Variants in NDUFS6 observed in about 807,000 individuals in gnomAD.
NDUFS6 encodes the protein NADH:ubiquinone oxidoreductase subunit S6.
Under a neutral mutation model 13.2 loss-of-function variants are expected in NDUFS6, and 14 were observed. That is an observed-to-expected ratio of 1.06 (90% confidence interval 0.70 to 1.66). The LOEUF (loss-of-function observed/expected upper bound fraction) is 1.66. Among genes scored for constraint, NDUFS6 ranks in the 40% most tolerant of loss-of-function variants. The pLI is 0.00. For synonymous variants in NDUFS6, 95 were observed against 72.3 expected (o/e 1.31, Z -1.60); for missense variants, 206 against 170.8 (o/e 1.21, Z -1.15).
intron 2 of NDUFS6, among the ~76,000 whole-genome samples, chr5:1,808,460 G>A (rs1278299428): frequency 6.6e-6 from 1 of 152,228 alleles, no homozygotes; most frequent in African/African-American, 2.4e-5. Flanking sequence ...GTTATAAAGT[G>A]AGGTTTATTT....
chr5:1,807,164 C>CAGAGGTACTGCGTGAGGT, intron 2 of NDUFS6, among the ~76,000 whole-genome samples: 1 of 152,226 alleles, frequency 6.6e-6, no homozygotes, highest in South Asian at 2.1e-4. Context: ...GTGAGGTACT[C>CAGAGGTACTGCGTGAGGT]AGAGGTACTG....
At position 1,816,015 on chromosome 5, in the gene NDUFS6, G is replaced by A. The variant is rs994577006; in HGVS notation, c.*99G>A. On this transcript the variant is annotated 3_prime_UTR_variant, in exon 4 of 4. Coordinates refer to ENST00000274137, the MANE Select transcript of NDUFS6 (RefSeq NM_004553.6). Reference sequence around the variant, plus strand: ...CTGGTTCTGTGCGAAGGGTATTCCTGGTGCTGAATAAAGGGTGTTGCTGTC... The same window carrying A: ...CTGGTTCTGTGCGAAGGGTATTCCTAGTGCTGAATAAAGGGTGTTGCTGTC... 7.7e-7 allele frequency: 1 copy of A among 1,299,142 alleles called. No individual in the cohort carries two copies. The highest frequency in any genetic ancestry group is 1.7e-5 in the Admixed American group (1 of 59,584). 80.5% of individuals were successfully genotyped at this position (1,299,142 alleles called of 1,614,324 possible).
At chr5:1,809,011 A>G (rs909756981) in intron 2 of NDUFS6, among the ~76,000 whole-genome samples, 7 of 152,148 alleles carry the variant, frequency 4.6e-5, no homozygotes, top group Non-Finnish European at 1.0e-4. Context: ...GTTGGTTTTG[A>G]TGCTGTGTCA....
chr5:1,812,422 T>C (rs1164812348), intron 2 of NDUFS6, among the ~76,000 whole-genome samples: 2 of 150,492 alleles, frequency 1.3e-5, no homozygotes, highest in South Asian at 2.1e-4. Context: ...GTTTATGAAA[T>C]CATGAGTGTA....
At chr5:1,804,415 C>T (rs867361731) in intron 2 of NDUFS6, among the ~76,000 whole-genome samples, 2 of 152,362 alleles carry the variant, frequency 1.3e-5, no homozygotes, top group African/African-American at 4.8e-5. Flanking sequence ...GGGGTGGGTA[C>T]GGGATAGTGT....
rs544812642 is a variant in NDUFS6, at chr5:1,804,146, TG to T, written c.186+1777del. Among the ~76,000 whole-genome samples, 443 of 152,300 alleles carry T rather than the reference TG, an allele frequency of 2.9e-3. 1 individual carries two copies. The highest frequency in any genetic ancestry group is 0.01 in the African/African-American group (419 of 41,568). The stretch of plus-strand genomic sequence containing the variant: ...CTTTGTGGGTGTTATGGCACGGTCG[TG>T]GGGGCAAGGTAGGAGCCCCAGATTG... On this transcript the variant is annotated intron_variant, in intron 2 of 3. Transcript: ENST00000274137.
chr5:1,802,107 G>C, intron 1 of NDUFS6: 1 of 571,988 alleles, frequency 1.7e-6, no homozygotes, highest in Non-Finnish European at 3.1e-6. Context: ...CTATGTCTCT[G>C]TGCTGCTCTC....
chr5:1,808,700 A>C (rs1734165356), intron 2 of NDUFS6, among the ~76,000 whole-genome samples: 1 of 152,238 alleles, frequency 6.6e-6, no homozygotes, highest in African/African-American at 2.4e-5. Context: ...GCAAGTTTGA[A>C]CATGTTGTAC....
intron 3 of NDUFS6, among the ~76,000 whole-genome samples, chr5:1,815,069 G>C (rs72704476): frequency 0.095 from 14,508 of 152,174 alleles, 913 homozygotes; most frequent in Non-Finnish European, 0.14. Context: ...TAGGACTTTG[G>C]GGGGCACACG....
At chr5:1,812,530 T>C (rs1428192157) in intron 2 of NDUFS6, among the ~76,000 whole-genome samples, 2 of 141,008 alleles carry the variant, frequency 1.4e-5, no homozygotes, top group Non-Finnish European at 3.1e-5. Flanking sequence ...CCGGGTTGAC[T>C]CCTCTTTTAA....
chr5:1,810,081 G>A (rs1476576400), intron 2 of NDUFS6, among the ~76,000 whole-genome samples: 1 of 151,930 alleles, frequency 6.6e-6, no homozygotes, highest in Non-Finnish European at 1.5e-5. Flanking sequence ...CTCCCACTGC[G>A]TGTGTGTTCT....
rs1313628024 is a variant in NDUFS6, at chr5:1,816,013, C to T, written c.*97C>T. The stretch of plus-strand genomic sequence containing the variant: ...CGCTGGTTCTGTGCGAAGGGTATTC[C>T]TGGTGCTGAATAAAGGGTGTTGCTG... On this transcript the variant is annotated 3_prime_UTR_variant, in exon 4 of 4. Coordinates refer to ENST00000274137, the MANE Select transcript of NDUFS6 (RefSeq NM_004553.6). The T allele has an allele frequency of 1.5e-6, 2 of 1,314,320 alleles. No homozygotes were observed. Among genetic ancestry groups the T allele is most frequent in the African/African-American group, 2.9e-5 (2 of 68,930 alleles). The allele number at this position is 1,314,320 out of a possible 1,614,324, so 81.4% of individuals were successfully genotyped here.
intron 2 of NDUFS6, among the ~76,000 whole-genome samples, chr5:1,809,902 G>A (rs1189288909): frequency 1.3e-5 from 2 of 152,256 alleles, no homozygotes; most frequent in African/African-American, 2.4e-5. Context: ...GGCGCCACAC[G>A]GCTCAGGCCT....
At position 1,814,668 on chromosome 5, in the gene NDUFS6, G is replaced by C. The variant is rs1734279631; in HGVS notation, c.309+207G>C. The C allele has an allele frequency of 1.2e-6, 1 of 800,044 alleles. No individual in the cohort carries two copies. Among genetic ancestry groups the C allele is most frequent in the South Asian group, 1.4e-5 (1 of 69,474 alleles). The allele number at this position is 800,044 out of a possible 1,614,324, so 49.6% of individuals were successfully genotyped here. A position where few individuals can be genotyped will look rare whatever the true frequency, so the allele number is the denominator to read the frequency against. On this transcript the variant is annotated intron_variant, in intron 3 of 3. Coordinates refer to ENST00000274137, the MANE Select transcript of NDUFS6 (RefSeq NM_004553.6). This position sits in a 1 kb window ranked among gnomAD's most constrained non-coding sequence, Gnocchi z 4.9. ...CCTGTCCGAAAACCCCCTTTCAACT[G>C]TGAAGTGGTGGGCGGCATGTTTCTC...
chr5:1,813,338 T>C (rs1734249317), intron 2 of NDUFS6, among the ~76,000 whole-genome samples: 2 of 152,254 alleles, frequency 1.3e-5, no homozygotes, highest in African/African-American at 4.8e-5. Flanking sequence ...TTTCTAACTT[T>C]GAAAAATATA....
At position 1,814,746 on chromosome 5, in the gene NDUFS6, C is replaced by G; in HGVS notation, c.309+285C>G. ...TCTGGGCCCTTCTCGGTTTGGTCAT[C>G]ATCTCAGCTCAGGCTGCCACACACA... On this transcript the variant is annotated intron_variant, in intron 3 of 3. Coordinates refer to ENST00000274137, the MANE Select transcript of NDUFS6 (RefSeq NM_004553.6). This position sits in a 1 kb window ranked among gnomAD's most constrained non-coding sequence, Gnocchi z 4.9. The G allele has an allele frequency of 1.4e-6, 1 of 697,922 alleles. No homozygotes were observed. The highest frequency in any genetic ancestry group is 1.5e-5 in the South Asian group (1 of 67,134). The allele number at this position is 697,922 out of a possible 1,614,324, so 43.2% of individuals were successfully genotyped here.
At chr5:1,806,942 C>T (rs1219821384) in intron 2 of NDUFS6, among the ~76,000 whole-genome samples, 1 of 152,132 alleles carries the variant, frequency 6.6e-6, no homozygotes, top group Non-Finnish European at 1.5e-5. Flanking sequence ...GTGATCTGTC[C>T]ATGGACAGTG....
chr5:1,814,564 C>T lies in NDUFS6; in HGVS notation c.309+103C>T. 6.4e-7 allele frequency: 1 copy of T among 1,557,002 alleles called. No individual in the cohort carries two copies. The highest frequency in any genetic ancestry group is 8.7e-7 in the Non-Finnish European group (1 of 1,143,452). On this transcript the variant is annotated intron_variant, in intron 3 of 3. Transcript: ENST00000274137. The surrounding 1 kb of genome is among the most constrained non-coding windows in gnomAD (Gnocchi z 4.9). Reference sequence around the variant, plus strand: ...CTTTCTGTCCTCTTCTCTACCTGCTCCCGAGGCGGCCCTTACGGGGTTCAC... The same window carrying T: ...CTTTCTGTCCTCTTCTCTACCTGCTTCCGAGGCGGCCCTTACGGGGTTCAC...
In NDUFS6 at chr5:1,802,367, A is replaced by T. The variant is rs751003359; in HGVS notation, c.179A>T (p.Gln60Leu). 1.2e-5 allele frequency: 19 copies of T among 1,613,870 alleles called. No homozygotes were observed. Among genetic ancestry groups the T allele is most frequent in the Non-Finnish European group, 1.6e-5 (19 of 1,179,906 alleles). ...AGGAGAATTCGGTTTGTAGGTCGTC[A>T]GAAAGAGGTGAGTAAAAAATCTAGT... ...DYRRIRFVGRQKEVNENFAID... is the reference protein window; with the variant it reads ...DYRRIRFVGRLKEVNENFAID... The change falls in exon 2 of 4, where the codon CAG (glutamine) becomes CTG (leucine). Residue 60 changes from glutamine to leucine, a missense_variant. By Grantham distance (113) the Gln-to-Leu change is moderately radical. Transcript: ENST00000274137.
Sources: gnomAD v4.1 joint callset for allele counts (sites outside exome capture counted in the v4.1 genomes callset) on GRCh38, gnomAD v4.1.1 for gene constraint, Gnocchi (gnomAD v3.1) non-coding constraint, MANE v1.5 for transcripts, NCBI Gene and HGNC (gene_info 2026-07-23, HGNC 2026-07-21) for gene names.